The following SUPT5H variants were observed in gnomAD, a reference collection of about 807,000 sequenced individuals.
SUPT5H encodes transcription elongation factor SPT5.
SUPT5H carries 24 observed loss-of-function variants against 142.5 expected under a neutral mutation model. That is an observed-to-expected ratio of 0.17 (90% CI 0.12 to 0.24). SUPT5H has a LOEUF of 0.24. Among genes scored for constraint, SUPT5H ranks in the 10% least tolerant of loss-of-function variants. SUPT5H has a pLI of 1.00. For synonymous variants in SUPT5H, 546 were observed against 553.0 expected (o/e 0.99, Z 0.18); for missense variants, 893 against 1,471.8 (o/e 0.61, Z 6.43).
rs2079344184 is a variant in SUPT5H at position 39,472,985 on chromosome 19, C to T, written c.2156-27C>T. ...AGGGGCATGGTGAAGGAGAGCCTGC[C>T]CAGCCTGACCTCCTGTCCCCCTGCA... On this transcript the variant is annotated intron_variant, in intron 22 of 29. Coordinates refer to ENST00000432763, the MANE Select transcript of SUPT5H (RefSeq NM_001111020.3). The surrounding 1 kb of genome is among the most constrained non-coding windows in gnomAD (Gnocchi z 4.2). 6.2e-7 allele frequency: 1 copy of T among 1,612,340 alleles called. No individual in the cohort carries two copies. The highest frequency in any genetic ancestry group is 1.1e-5 in the South Asian group (1 of 91,034).
At chr19:39,460,012 G>A in intron 10 of SUPT5H, 52 bp downstream of exon 10, 1 of 1,589,892 alleles carries the variant, frequency 6.3e-7, no homozygotes, top group Non-Finnish European at 8.6e-7. Context: ...ACACCCAGAG[G>A]GAAGAACATT....
At position 39,459,814 on chromosome 19, in the gene SUPT5H, GC is replaced by G. The variant is rs2079137946; in HGVS notation, c.556-77del. On this transcript the variant is annotated intron_variant, in intron 9 of 29. Coordinates refer to ENST00000432763, the MANE Select transcript of SUPT5H (RefSeq NM_001111020.3). ...CTCTTGGTCCTACTTTATTTTTCTT[GC>G]TGCTGTCTCCTTCCCCCTTTCCTGT... 9 of 1,500,872 alleles carry G rather than the reference GC, an allele frequency of 6.0e-6. No individual in the cohort carries two copies. The Middle Eastern group carries it at 1.2e-3, about 200-fold the overall frequency. 93.0% of individuals were successfully genotyped at this position (1,500,872 alleles called of 1,614,324 possible). A position where few individuals can be genotyped will look rare whatever the true frequency, so the allele number is the denominator to read the frequency against.
In SUPT5H at chr19:39,471,643, C is replaced by T. The variant is rs748543064; in HGVS notation, c.1863C>T (p.Phe621=). 13 of 1,614,086 alleles carry T rather than the reference C, an allele frequency of 8.1e-6. 1 individual carries two copies. The highest frequency in any genetic ancestry group is 5.5e-5 in the South Asian group (5 of 91,084). Residue 621 remains phenylalanine, a synonymous_variant, in exon 20 of 30, where the codon TTC becomes TTT. Transcript: ENST00000432763. ...EGEIRHLFRS[F]AFLHCKKLVE... is the part of the protein sequence containing the mutation. Reference sequence around the variant, plus strand: ...AGATTCGCCATCTCTTCCGAAGCTTCGCCTTCCTACATTGCAAGAAACTGG... The same window carrying T: ...AGATTCGCCATCTCTTCCGAAGCTTTGCCTTCCTACATTGCAAGAAACTGG...
rs955282415 is a variant in SUPT5H at position 39,473,048 on chromosome 19, C to T, written c.2192C>T (p.Thr731Met). The change falls in exon 23 of 30, where the codon ACG (threonine) becomes ATG (methionine). Residue 731 changes from threonine to methionine, a missense_variant. By Grantham distance (81) the Thr-to-Met change is moderately conservative. Coordinates refer to ENST00000432763, the MANE Select transcript of SUPT5H (RefSeq NM_001111020.3). This position sits in a 1 kb window ranked among gnomAD's most constrained non-coding sequence, Gnocchi z 5.8. ...GTGGTGAAAGATGCCACAGAGTCCACGGCCCGTGTGGAGCTGCACTCCACC... is the reference window on the plus strand; with the variant it reads ...GTGGTGAAAGATGCCACAGAGTCCATGGCCCGTGTGGAGCTGCACTCCACC... ...IGVVKDATES[T>M]ARVELHSTCQ... 23 of 1,613,674 alleles carry T rather than the reference C, an allele frequency of 1.4e-5. No homozygotes were observed. The highest frequency in any genetic ancestry group is 1.9e-5 in the Non-Finnish European group (23 of 1,179,924).
rs2079248059 is a variant in SUPT5H, at chr19:39,466,972, T to C, written c.1037+227T>C. 1 of 556,542 alleles carries C rather than the reference T, an allele frequency of 1.8e-6. No homozygotes were observed. Among genetic ancestry groups the C allele is most frequent in the Non-Finnish European group, 3.2e-6 (1 of 312,992 alleles). 34.5% of individuals were successfully genotyped at this position (556,542 alleles called of 1,614,324 possible). ...AGCGGGAGGGAGCACTTTGGAAGGC[T>C]AAGGCAGGAGGCTTGCTTGAGGCAA... is the stretch of plus-strand genomic sequence containing the variant. On this transcript the variant is annotated intron_variant, in intron 13 of 29. Coordinates refer to ENST00000432763, the MANE Select transcript of SUPT5H (RefSeq NM_001111020.3). The surrounding 1 kb of genome is among the most constrained non-coding windows in gnomAD (Gnocchi z 4.3).
chr19:39,475,810 GA>G, intron 28 of SUPT5H: 26 of 470,260 alleles, frequency 5.5e-5, no homozygotes, highest in South Asian at 2.4e-4. Context: ...GGAAGACGCT[GA>G]GGCCAGTTTG....
Position 39,465,505 on chromosome 19 carries a change from C to G in SUPT5H, c.876+456C>G, listed in dbSNP as rs113411482. On this transcript the variant is annotated intron_variant, in intron 11 of 29. Transcript: ENST00000432763. ...CTCTGGTGACTGTGTTGAGACTAGACCACTGGTTCTCAAGCCAGGGTGATG... is the reference window on the plus strand; with the variant it reads ...CTCTGGTGACTGTGTTGAGACTAGAGCACTGGTTCTCAAGCCAGGGTGATG... Among the ~76,000 whole-genome samples, 254 of 152,308 alleles carry G rather than the reference C, an allele frequency of 1.7e-3. 1 individual carries two copies. The highest frequency in any genetic ancestry group is 5.7e-3 in the African/African-American group (238 of 41,556).
chr19:39,455,437 C>T (rs1212574365), intron 3 of SUPT5H, among the ~76,000 whole-genome samples: 1 of 151,602 alleles, frequency 6.6e-6, no homozygotes, highest in Non-Finnish European at 1.5e-5. Flanking sequence ...TGGCGGGCGC[C>T]TGTAATCCCA....
chr19:39,471,919 T>G, intron 20 of SUPT5H, 189 bp downstream of exon 20: 1 of 882,260 alleles, frequency 1.1e-6, no homozygotes, highest in Non-Finnish European at 1.6e-6. Context: ...TTTTAAGTTA[T>G]TTATTCATTT....
At chr19:39,451,981 T>C (rs1256442316) in intron 2 of SUPT5H, among the ~76,000 whole-genome samples, 1 of 152,106 alleles carries the variant, frequency 6.6e-6, no homozygotes, top group African/African-American at 2.4e-5. Flanking sequence ...AAAGAGGGAT[T>C]AGAGGCCAGG....
chr19:39,460,593 C>T (rs1184846994), intron 10 of SUPT5H, among the ~76,000 whole-genome samples: 1 of 152,098 alleles, frequency 6.6e-6, no homozygotes, highest in African/African-American at 2.4e-5. Flanking sequence ...CAAAACTCAG[C>T]TGGGCGTGGT....
Position 39,470,278 on chromosome 19 carries a change from G to C in SUPT5H, c.1530+4G>C. The C allele has an allele frequency of 6.4e-7, 1 of 1,564,428 alleles. No homozygotes were observed. The highest frequency in any genetic ancestry group is 1.7e-5 in the Admixed American group (1 of 57,154). ...CTCTGACCTCACCATGCATGAGGTA[G>C]GTGGATAGAAGGGTCGGGGAAGGGT... On this transcript the variant is annotated splice_donor_region_variant and intron_variant, in intron 17 of 29. Transcript: ENST00000432763. This position sits in a 1 kb window ranked among gnomAD's most constrained non-coding sequence, Gnocchi z 5.8.
rs555459715 is a variant in SUPT5H, at chr19:39,466,739, A to G, written c.1031A>G (p.Lys344Arg). ...RPPQRLFDAE[K>R]IRSLGGDVAS... ...CCACAGAGGCTGTTTGATGCTGAGA[A>G]GATCAGGTGCGTGTCCTTGGGGACT... The change falls in exon 13 of 30, where the codon AAG becomes AGG. Residue 344 changes from lysine (K) to arginine (R), a missense_variant. Around this residue, in one of 6 missense-constraint regions of SUPT5H, gnomAD observed 428 missense variants for 763.5 expected, o/e 0.56. Transcript: ENST00000432763. This position sits in a 1 kb window ranked among gnomAD's most constrained non-coding sequence, Gnocchi z 4.3. 1 of 1,614,226 alleles carries G rather than the reference A, an allele frequency of 6.2e-7. No individual in the cohort carries two copies. Among genetic ancestry groups the G allele is most frequent in the South Asian group, 1.1e-5 (1 of 91,082 alleles).
In SUPT5H at chr19:39,474,849, A is replaced by G. The variant is rs2079380192; in HGVS notation, c.3024+131A>G. ...CTGGGATTGAGGAAGCCTAGAGGGC[A>G]AGGGGAGCTATGTGAACCCAAAGGA... On this transcript the variant is annotated intron_variant, in intron 28 of 29. Transcript: ENST00000432763. This position sits in a 1 kb window ranked among gnomAD's most constrained non-coding sequence, Gnocchi z 6.5. 8.6e-6 allele frequency: 9 copies of G among 1,045,450 alleles called. No individual in the cohort carries two copies. Among genetic ancestry groups the G allele is most frequent in the Non-Finnish European group, 9.7e-6 (7 of 718,530 alleles). 64.8% of individuals were successfully genotyped at this position (1,045,450 alleles called of 1,614,324 possible). A position where few individuals can be genotyped will look rare whatever the true frequency, so the allele number is the denominator to read the frequency against.
chr19:39,470,630 G>C lies in SUPT5H; in HGVS notation c.1677+107G>C. ...AGCCCCCAGACTGCTCTGGGTTGCA[G>C]ATCTGGCTCTGTCACTTACATCTGA... is the stretch of plus-strand genomic sequence containing the variant. On this transcript the variant is annotated intron_variant, in intron 18 of 29. Transcript: ENST00000432763. The surrounding 1 kb of genome is among the most constrained non-coding windows in gnomAD (Gnocchi z 5.8). The C allele has an allele frequency of 7.7e-7, 1 of 1,298,152 alleles. No homozygotes were observed. The highest frequency in any genetic ancestry group is 1.0e-6 in the Non-Finnish European group (1 of 970,054). The allele number at this position is 1,298,152 out of a possible 1,614,324, so 80.4% of individuals were successfully genotyped here.
At chr19:39,471,875 G>T in intron 20 of SUPT5H, 145 bp downstream of exon 20, 2 of 1,185,182 alleles carry the variant, frequency 1.7e-6, no homozygotes, top group Non-Finnish European at 2.3e-6. Flanking sequence ...GAGTGAGAAG[G>T]TTTATTTGGG....
chr19:39,463,584 A>T (rs2079194339), intron 10 of SUPT5H, among the ~76,000 whole-genome samples: 1 of 152,162 alleles, frequency 6.6e-6, no homozygotes, highest in African/African-American at 2.4e-5. Context: ...TGCTGTTGTT[A>T]GATGGAGTGT....
rs368620858 is a variant in SUPT5H, at chr19:39,466,594, G to T, written c.966+25G>T. The stretch of plus-strand genomic sequence containing the variant: ...GGTACTCAGGGGAATCTGTGGCCTG[G>T]GGGGGAGGGAGTGTGCTCGATCCCA... On this transcript the variant is annotated intron_variant, in intron 12 of 29. Transcript: ENST00000432763. The surrounding 1 kb of genome is among the most constrained non-coding windows in gnomAD (Gnocchi z 4.3). 4.8e-4 allele frequency: 536 copies of T among 1,120,738 alleles called. No homozygotes were observed. Among genetic ancestry groups the T allele is most frequent in the Middle Eastern group, 1.9e-3 (9 of 4,704 alleles). The allele number at this position is 1,120,738 out of a possible 1,614,324, so 69.4% of individuals were successfully genotyped here. A position where few individuals can be genotyped will look rare whatever the true frequency, so the allele number is the denominator to read the frequency against.
intron 2 of SUPT5H, among the ~76,000 whole-genome samples, chr19:39,451,686 C>T (rs900554957): frequency 8.5e-5 from 13 of 152,092 alleles, no homozygotes; most frequent in African/African-American, 2.4e-4. Context: ...TGCCCACCAC[C>T]GTGCTGGGCT....
Sources: gnomAD v4.1 joint callset for allele counts (sites outside exome capture counted in the v4.1 genomes callset) on GRCh38, gnomAD v4.1.1 for gene constraint, gnomAD v4.1.1 regional missense constraint, Gnocchi (gnomAD v3.1) non-coding constraint, MANE v1.5 for transcripts, NCBI Gene and HGNC (gene_info 2026-07-23, HGNC 2026-07-21) for gene names.